DSCAM: variants seen among roughly 807,000 people sequenced by gnomAD.
The protein encoded by DSCAM is DS cell adhesion molecule.
A neutral mutation model predicts 217.7 loss-of-function variants in DSCAM; 47 were observed. That is an observed-to-expected ratio of 0.22 (90% CI 0.17 to 0.28). The LOEUF is 0.28. Among genes scored for constraint, DSCAM ranks in the 10% least tolerant of loss-of-function variants. The pLI is 1.00. For synonymous variants in DSCAM, 1,056 were observed against 1,015.3 expected (o/e 1.04, Z -0.76); for missense variants, 2,080 against 2,618.3 (o/e 0.79, Z 4.49).
At position 40,295,990 on chromosome 21, in the gene DSCAM, T is replaced by A. The variant is rs574425952; in HGVS notation, c.2182+65A>T. The A allele has an allele frequency of 6.5e-6, 10 of 1,539,250 alleles. No homozygotes were observed. In the South Asian group the frequency reaches 7.5e-5, roughly 12 times the overall value. On this transcript the variant is annotated intron_variant, in intron 10 of 32. Transcript: ENST00000400454. ...AACTTCTCTGGAAATCTAGAAATGCTTATCTAATCCTTTAGAACATAGCAA... is the reference window on the plus strand; with the variant it reads ...AACTTCTCTGGAAATCTAGAAATGCATATCTAATCCTTTAGAACATAGCAA...
intron 11 of DSCAM, among the ~76,000 whole-genome samples, chr21:40,211,760 T>G (rs569214999): frequency 6.6e-6 from 1 of 152,326 alleles, no homozygotes; most frequent in African/African-American, 2.4e-5. Flanking sequence ...AGAAGTGTTA[T>G]CACACTTTCC....
chr21:40,708,991 A>G (rs970823296), intron 1 of DSCAM, among the ~76,000 whole-genome samples: 1 of 152,198 alleles, frequency 6.6e-6, no homozygotes, highest in African/African-American at 2.4e-5. Context: ...ACAAACTGTT[A>G]AGTTATCCTG....
chr21:40,240,039 C>T (rs8131755), intron 11 of DSCAM, among the ~76,000 whole-genome samples: 65,214 of 151,968 alleles, frequency 0.43, 14,174 homozygotes, highest in African/African-American at 0.47. Flanking sequence ...ACAAAACACC[C>T]AGAGATCTTG....
chr21:40,120,255 T>G (rs943375183), intron 20 of DSCAM, among the ~76,000 whole-genome samples: 7 of 152,236 alleles, frequency 4.6e-5, no homozygotes, highest in Admixed American at 3.9e-4. Flanking sequence ...CCAATGTGAA[T>G]CACAGCTCAG....
chr21:40,425,540 T>TA (rs34317635), intron 3 of DSCAM, among the ~76,000 whole-genome samples: 2,334 of 128,634 alleles, frequency 0.018, 32 homozygotes, highest in Non-Finnish European at 0.026. Flanking sequence ...TACCCCCCCC[T>TA]AAAAAAAAAA....
chr21:40,598,782 C>A (rs754445650), intron 3 of DSCAM, among the ~76,000 whole-genome samples: 3 of 152,034 alleles, frequency 2.0e-5, no homozygotes, highest in Non-Finnish European at 4.4e-5. Flanking sequence ...GGATTACAGG[C>A]GTGAGCCACC....
chr21:40,275,393 C>T (rs1004606586), intron 11 of DSCAM, among the ~76,000 whole-genome samples: 2 of 152,002 alleles, frequency 1.3e-5, no homozygotes, highest in South Asian at 2.1e-4. Flanking sequence ...ACAGTTCATT[C>T]GATGGAAAAT....
intron 2 of DSCAM, among the ~76,000 whole-genome samples, chr21:40,694,442 G>T (rs1331744545): frequency 6.6e-6 from 1 of 152,194 alleles, no homozygotes; most frequent in East Asian, 1.9e-4. Flanking sequence ...AGGCAGAGGT[G>T]AGCTCTTTAG....
At chr21:40,386,855 T>C (rs760008409) in intron 3 of DSCAM, among the ~76,000 whole-genome samples, 3 of 152,226 alleles carry the variant, frequency 2.0e-5, no homozygotes, top group Non-Finnish European at 4.4e-5. Flanking sequence ...ATCTAATGAA[T>C]TTTCTTTAGA....
At chr21:40,568,131 G>A (rs1204010731) in intron 3 of DSCAM, among the ~76,000 whole-genome samples, 2 of 152,122 alleles carry the variant, frequency 1.3e-5, no homozygotes, top group African/African-American at 4.8e-5. Flanking sequence ...AGCAATGAAT[G>A]GGGAATGCAT....
At chr21:40,566,815 T>A (rs1037127580) in intron 3 of DSCAM, among the ~76,000 whole-genome samples, 2 of 152,158 alleles carry the variant, frequency 1.3e-5, no homozygotes, top group African/African-American at 2.4e-5. Context: ...CATTCACTCA[T>A]TGAACAAATA....
intron 11 of DSCAM, among the ~76,000 whole-genome samples, chr21:40,246,918 G>A (rs2073233832): frequency 6.6e-6 from 1 of 152,116 alleles, no homozygotes; most frequent in Non-Finnish European, 1.5e-5. Flanking sequence ...AGGCTGGGAA[G>A]AAAAAGAGGT....
Position 40,350,811 on chromosome 21 carries a change from G to C in DSCAM, c.934+2654C>G, listed in dbSNP as rs1001272596. Among the ~76,000 whole-genome samples the C allele has an allele frequency of 2.7e-5, 4 of 148,834 alleles. 1 individual carries two copies. Among genetic ancestry groups the C allele is most frequent in the South Asian group, 4.3e-4 (2 of 4,598 alleles). ...ATTTTGGATGCAACAGAGAGTCCCT[G>C]AGATTTTGGAATTAAACAAAGATAA... On this transcript the variant is annotated intron_variant, in intron 5 of 32. Transcript: ENST00000400454.
intron 3 of DSCAM, among the ~76,000 whole-genome samples, chr21:40,575,202 A>C (rs1247230351): frequency 1.6e-5 from 2 of 121,722 alleles, no homozygotes; most frequent in African/African-American, 5.3e-5. Context: ...CCCACTGAGC[A>C]CCCTGTGACC....
At chr21:40,614,157 G>T (rs959276734) in intron 3 of DSCAM, among the ~76,000 whole-genome samples, 1 of 152,196 alleles carries the variant, frequency 6.6e-6, no homozygotes, top group African/African-American at 2.4e-5. Context: ...GCAGCCCCAG[G>T]CCTCAGTCAT....
intron 3 of DSCAM, among the ~76,000 whole-genome samples, chr21:40,653,377 C>A (rs184129326): frequency 1.3e-5 from 2 of 152,284 alleles, no homozygotes; most frequent in African/African-American, 4.8e-5. Flanking sequence ...TCCTCCACCT[C>A]TGGAGAGGGT....
intron 20 of DSCAM, among the ~76,000 whole-genome samples, chr21:40,101,635 G>A (rs1251197176): frequency 1.3e-5 from 2 of 152,084 alleles, no homozygotes; most frequent in African/African-American, 4.8e-5. Flanking sequence ...CATGTAACAG[G>A]GGCAATCCAC....
chr21:40,566,622 G>A (rs1430590834), intron 3 of DSCAM, among the ~76,000 whole-genome samples: 1 of 152,066 alleles, frequency 6.6e-6, no homozygotes, highest in East Asian at 1.9e-4. Flanking sequence ...CTTTAGTTCA[G>A]AGCCATATGG....
At chr21:40,605,505 A>G (rs746277019) in intron 3 of DSCAM, among the ~76,000 whole-genome samples, 4 of 152,200 alleles carry the variant, frequency 2.6e-5, no homozygotes, top group Non-Finnish European at 4.4e-5. Flanking sequence ...GCTTTGAGAG[A>G]TACAGAGTCT....
Sources: gnomAD v4.1 joint callset for allele counts (sites outside exome capture counted in the v4.1 genomes callset) on GRCh38, gnomAD v4.1.1 for gene constraint, MANE v1.5 for transcripts, NCBI Gene and HGNC (gene_info 2026-07-23, HGNC 2026-07-21) for gene names.